The following MSANTD7 variants were observed in gnomAD, a reference collection of about 807,000 sequenced individuals.
The protein encoded by MSANTD7 is zinc finger and SCAN domain containing 29.
chr10:14,843,298 A>G, the MSANTD7 span: 8 of 1,529,728 alleles, frequency 5.2e-6, no homozygotes, highest in Admixed American at 1.6e-4. Context: ...AATTTGTCTC[A>G]GCTCTGCTGC....
the MSANTD7 span, chr10:14,838,312 C>A: frequency 7.6e-7 from 1 of 1,321,312 alleles, no homozygotes; most frequent in Non-Finnish European, 1.1e-6. Flanking sequence ...GAACGTGAAG[C>A]TCCGCGGTGC....
the MSANTD7 span, chr10:14,840,066 T>C: frequency 1.5e-6 from 2 of 1,308,826 alleles, no homozygotes; most frequent in Non-Finnish European, 2.0e-6. Flanking sequence ...ATATTATTTT[T>C]TTTTTCAGAT....
chr10:14,844,605 T>C, the MSANTD7 span: 16 of 985,356 alleles, frequency 1.6e-5, no homozygotes, highest in Non-Finnish European at 1.8e-5. Context: ...TTCATTTTAC[T>C]GGTTCTTAGT....
the MSANTD7 span, chr10:14,843,778 A>G: frequency 5.9e-6 from 9 of 1,536,340 alleles, no homozygotes; most frequent in Non-Finnish European, 7.8e-6. Flanking sequence ...TGAGCTCCGC[A>G]GGGATGCTGT....
the MSANTD7 span, among the ~76,000 whole-genome samples, chr10:14,841,798 G>T: frequency 6.6e-6 from 1 of 152,220 alleles, no homozygotes; most frequent in Non-Finnish European, 1.5e-5. Flanking sequence ...GCATCTTTCA[G>T]ATTGCTATAC....
chr10:14,838,557 AG>A, the MSANTD7 span: 5 of 1,239,456 alleles, frequency 4.0e-6, no homozygotes, highest in East Asian at 5.2e-5. Flanking sequence ...TCGCCGGCCT[AG>A]GGATGTCGTG....
At chr10:14,843,464 G>C in the MSANTD7 span, 1 of 1,550,628 alleles carries the variant, frequency 6.4e-7, no homozygotes, top group East Asian at 2.4e-5. Flanking sequence ...GCCAGACTGG[G>C]TGTGTCCGGG....
chr10:14,842,114 A>G, the MSANTD7 span: 1 of 1,515,466 alleles, frequency 6.6e-7, no homozygotes, highest in Admixed American at 2.0e-5. The surrounding 1 kb of genome is among the most constrained non-coding windows in gnomAD (Gnocchi z 5.2). Context: ...TGTAACTCTC[A>G]TTCCCCTGTG....
the MSANTD7 span, chr10:14,846,749 G>A: frequency 3.0e-6 from 3 of 985,328 alleles, no homozygotes; most frequent in African/African-American, 5.2e-5. Context: ...TAACAAGTAG[G>A]GGAAAGACTC....
chr10:14,845,264 A>C, the MSANTD7 span: 1 of 985,162 alleles, frequency 1.0e-6, no homozygotes, highest in Non-Finnish European at 1.2e-6. Flanking sequence ...ACAAATAGGA[A>C]TCTTTAGGAT....
the MSANTD7 span, chr10:14,845,455 C>T: frequency 4.1e-6 from 4 of 985,172 alleles, no homozygotes; most frequent in Non-Finnish European, 2.4e-6. Context: ...AGACGGCAAG[C>T]GAGCTGCTCT....
the MSANTD7 span, chr10:14,843,574 G>A: frequency 4.5e-6 from 7 of 1,550,648 alleles, no homozygotes; most frequent in South Asian, 1.2e-5. Flanking sequence ...TGTTTCTGGT[G>A]GGGATAGGCC....
the MSANTD7 span, chr10:14,838,412 A>G: frequency 6.2e-7 from 1 of 1,605,286 alleles, no homozygotes; most frequent in Non-Finnish European, 8.5e-7. Flanking sequence ...CATGGCGGCC[A>G]TCGGAGTTCA....
the MSANTD7 span, chr10:14,843,538 C>T: frequency 6.4e-7 from 1 of 1,550,720 alleles, no homozygotes; most frequent in Non-Finnish European, 8.7e-7. Context: ...ACCGCAGACT[C>T]CAGTCTCCTC....
the MSANTD7 span, chr10:14,838,357 T>C: frequency 6.4e-7 from 1 of 1,562,432 alleles, no homozygotes; most frequent in Non-Finnish European, 8.7e-7. Context: ...TAGCTGTTGC[T>C]GTTGGGGGAC....
chr10:14,841,293 T>C, the MSANTD7 span: 1 of 152,208 alleles, frequency 6.6e-6, no homozygotes, highest in Non-Finnish European at 1.5e-5. Flanking sequence ...AAATATAAGT[T>C]GGTGTCAAAT....
the MSANTD7 span, chr10:14,846,729 C>T: frequency 1.0e-6 from 1 of 984,172 alleles, no homozygotes. Flanking sequence ...ACATGTAAGG[C>T]ACTGTCATGT....
At chr10:14,844,335 T>C in the MSANTD7 span, 1 of 1,040,894 alleles carries the variant, frequency 9.6e-7, no homozygotes, top group Non-Finnish European at 1.2e-6. Context: ...TCATATGGCC[T>C]TGGCTGAGGT....
At chr10:14,844,492 A>G in the MSANTD7 span, 6 of 754,958 alleles carry the variant, frequency 7.9e-6, no homozygotes, top group East Asian at 1.3e-3. Flanking sequence ...TTAGACGACT[A>G]TAAGCACAAC....
Sources: gnomAD v4.1 joint callset for allele counts (sites outside exome capture counted in the v4.1 genomes callset) on GRCh38, gnomAD v4.1.1 for gene constraint, Gnocchi (gnomAD v3.1) non-coding constraint, MANE v1.5 for transcripts, NCBI Gene and HGNC (gene_info 2026-07-23, HGNC 2026-07-21) for gene names.